Variants in PIGS observed in about 807,000 individuals in gnomAD.
The protein encoded by PIGS is GPI-anchor transamidase component PIGS.
A neutral mutation model predicts 58.2 loss-of-function variants in PIGS; 37 were observed. The ratio of observed to expected loss-of-function variants is 0.64; its 90% CI spans 0.49 to 0.84. PIGS has a LOEUF of 0.84. Ranked by LOEUF, PIGS falls within the 40% of genes least tolerant of loss-of-function variation. The pLI is 0.00. For synonymous variants in PIGS, 269 were observed against 289.2 expected, an observed-to-expected ratio of 0.93 and a Z score of 0.71; for missense variants, 629 against 710.8, an observed-to-expected ratio of 0.88 and a Z score of 1.31.
At chr17:28,562,402 T>A (rs1420013458) in intron 5 of PIGS, among the ~76,000 whole-genome samples, 2 of 152,190 alleles carry the variant, frequency 1.3e-5, no homozygotes, top group Non-Finnish European at 2.9e-5. Context: ...ATTAACATTT[T>A]CTTTAGTGCT....
At chr17:28,571,003 C>T in intron 2 of PIGS, 40 bp from the exon 3 acceptor site, 1 of 1,614,202 alleles carries the variant, frequency 6.2e-7, no homozygotes, top group Non-Finnish European at 8.5e-7. Flanking sequence ...GAGTCTCCAC[C>T]TTGCCGGGGG....
At chr17:28,554,724 G>C in intron 11 of PIGS, 127 bp downstream of exon 11, 2 of 1,332,722 alleles carry the variant, frequency 1.5e-6, no homozygotes, top group East Asian at 4.7e-5. Context: ...CTAGAGGAAG[G>C]CTGGGACACT....
intron 10 of PIGS, chr17:28,555,554 C>T (rs920024914): frequency 1.7e-5 from 3 of 171,528 alleles, no homozygotes; most frequent in African/African-American, 7.2e-5. Context: ...TTAGAATCCT[C>T]AACACAGAGC....
chr17:28,554,441 G>A lies in PIGS; in HGVS notation c.1447C>T (p.His483Tyr). ...QKSAEELASGHLASAFVASQE... is the reference protein window; with the variant it reads ...QKSAEELASGYLASAFVASQE... ...CTGGCGACAAAGGCAGATGCCAGGT[G>A]CCCAGACGCCAACTCTTCTGCCGAC... The change falls in exon 12 of 12, where the codon CAC becomes TAC. Residue 483 changes from histidine to tyrosine, a missense_variant. Transcript: ENST00000308360. 1 of 1,614,176 alleles carries A rather than the reference G, an allele frequency of 6.2e-7. No homozygotes were observed. The highest frequency in any genetic ancestry group is 1.3e-5 in the African/African-American group (1 of 75,040).
intron 8 of PIGS, 198 bp from the exon 9 acceptor site, chr17:28,557,170 T>C (rs891357805): frequency 5.0e-6 from 3 of 595,820 alleles, no homozygotes; most frequent in East Asian, 3.1e-5. Flanking sequence ...GATGGAAACA[T>C]AGTCCTTAGC....
Position 28,560,093 on chromosome 17 carries a change from G to A in PIGS, c.775C>T (p.Leu259=), listed in dbSNP as rs116362901. 16 of 1,612,950 alleles carry A rather than the reference G, an allele frequency of 9.9e-6. No homozygotes were observed. In the African/African-American group the frequency reaches 2.1e-4, roughly 22 times the overall value. ...TTGCCAGCGGCACCGAGGGCATTCA[G>A]GAAAGGTTGCACATAGCGCCGGACA... is the stretch of plus-strand genomic sequence containing the variant. ...GAVRRYVQPF[L]NALGAAGNFS... Residue 259 remains leucine (L), a synonymous_variant, in exon 7 of 12, where the codon CTG becomes TTG. Coordinates refer to ENST00000308360, the MANE Select transcript of PIGS (RefSeq NM_033198.4).
chr17:28,566,833 A>T (rs2070397449), intron 3 of PIGS, among the ~76,000 whole-genome samples: 1 of 147,700 alleles, frequency 6.8e-6, no homozygotes, highest in Non-Finnish European at 1.5e-5. Flanking sequence ...ACCTCAAATG[A>T]TCCACCGCCT....
intron 5 of PIGS, 134 bp downstream of exon 5, chr17:28,563,297 A>C: frequency 1.3e-6 from 1 of 782,982 alleles, no homozygotes; most frequent in East Asian, 2.6e-5. Flanking sequence ...CGTCTCAAAA[A>C]AAAAAAAATT....
chr17:28,554,061 C>A lies in PIGS; in HGVS notation c.*159G>T. On this transcript the variant is annotated 3_prime_UTR_variant, in exon 12 of 12. Transcript: ENST00000308360. ...GAATGGGAAAGGAAGAAAAGATGAACCCATCTTGGAGTGTTGTACTTTGGT... is the reference window on the plus strand; with the variant it reads ...GAATGGGAAAGGAAGAAAAGATGAAACCATCTTGGAGTGTTGTACTTTGGT... The A allele has an allele frequency of 1.1e-6, 1 of 903,368 alleles. No individual in the cohort carries two copies. Among genetic ancestry groups the A allele is most frequent in the East Asian group, 2.5e-5 (1 of 39,370 alleles). 56.0% of individuals were successfully genotyped at this position (903,368 alleles called of 1,614,324 possible).
chr17:28,568,388 C>T (rs1453735290), intron 3 of PIGS, among the ~76,000 whole-genome samples: 1 of 152,218 alleles, frequency 6.6e-6, no homozygotes, highest in Non-Finnish European at 1.5e-5. Flanking sequence ...CAGGTGTGAG[C>T]TACCACATCC....
At position 28,553,996 on chromosome 17, in the gene PIGS, C is replaced by T; in HGVS notation, c.*224G>A. 1 of 587,870 alleles carries T rather than the reference C, an allele frequency of 1.7e-6. No homozygotes were observed. Among genetic ancestry groups the T allele is most frequent in the East Asian group, 3.0e-5 (1 of 33,612 alleles). The allele number at this position is 587,870 out of a possible 1,614,324, so 36.4% of individuals were successfully genotyped here. A position where few individuals can be genotyped will look rare whatever the true frequency, so the allele number is the denominator to read the frequency against. On this transcript the variant is annotated 3_prime_UTR_variant, in exon 12 of 12. Coordinates refer to ENST00000308360, the MANE Select transcript of PIGS (RefSeq NM_033198.4). ...AGATAAGGAGACCCGGATGATGTGC[C>T]TTTTGAGGCCCCTGGTGGTGGAGGA...
intron 3 of PIGS, among the ~76,000 whole-genome samples, chr17:28,570,282 A>G (rs1399427386): frequency 6.6e-6 from 1 of 152,240 alleles, no homozygotes; most frequent in East Asian, 1.9e-4. Flanking sequence ...AGGCTGAGGC[A>G]TGCGGATCAC....
chr17:28,556,733 G>T, intron 9 of PIGS, 94 bp downstream of exon 9: 1 of 1,482,610 alleles, frequency 6.7e-7, no homozygotes, highest in African/African-American at 1.4e-5. Context: ...GGGCCATGGA[G>T]GACACCAGAA....
At chr17:28,563,592 C>G in intron 4 of PIGS, 70 bp from the exon 5 acceptor site, 1 of 1,422,704 alleles carries the variant, frequency 7.0e-7, no homozygotes, top group Non-Finnish European at 9.9e-7. Flanking sequence ...CCAAAGAATG[C>G]CTAACCCACC....
rs960556912 is a variant in PIGS, at chr17:28,563,900, C to T, written c.294G>A (p.Met98Ile). Reference sequence around the variant, plus strand: ...CCTTCTGGAAACGGCATTTGATTTTCATTTTGTCTGGGAGGGATAAGAAGT... The same window carrying T: ...CCTTCTGGAAACGGCATTTGATTTTTATTTTGTCTGGGAGGGATAAGAAGT... Reference protein sequence around the residue: ...HEREIPLKYKMKIKCRFQKAY... With the variant: ...HEREIPLKYKIKIKCRFQKAY... The change falls in exon 4 of 12, where the codon ATG (methionine) becomes ATA (isoleucine). Residue 98 changes from methionine to isoleucine, a missense_variant. Transcript: ENST00000308360. The T allele has an allele frequency of 5.6e-6, 9 of 1,613,744 alleles. No individual in the cohort carries two copies. Among genetic ancestry groups the T allele is most frequent in the Middle Eastern group, 1.7e-4 (1 of 6,060 alleles).
chr17:28,568,137 T>G (rs2070404396), intron 3 of PIGS, among the ~76,000 whole-genome samples: 1 of 151,948 alleles, frequency 6.6e-6, no homozygotes, highest in South Asian at 2.1e-4. Flanking sequence ...GATGGAGTCT[T>G]TGTCACCCAG....
At chr17:28,559,281 A>G (rs747271272) in intron 7 of PIGS, among the ~76,000 whole-genome samples, 5 of 151,788 alleles carry the variant, frequency 3.3e-5, no homozygotes, top group Non-Finnish European at 7.4e-5. Context: ...GGCCCTTCAC[A>G]TCTTTATTGT....
chr17:28,570,954 T>C lies in PIGS; in HGVS notation c.184A>G (p.Met62Val), dbSNP rs2070423702. The C allele has an allele frequency of 6.2e-7, 1 of 1,614,232 alleles. No individual in the cohort carries two copies. Among genetic ancestry groups the C allele is most frequent in the East Asian group, 2.2e-5 (1 of 44,886 alleles). Residue 62 changes from methionine (M) to valine (V), a missense_variant, in exon 3 of 12, where the codon ATG (methionine) becomes GTG (valine). Transcript: ENST00000308360. ...GTAAACACGACAGTGACAGGCACCA[T>C]GAGGCGGAGCTACAGGAAGGAGCAT... ...SGLNALQLRL[M>V]VPVTVVFTRE... is the part of the protein sequence containing the mutation.
chr17:28,563,770 GA>G, intron 4 of PIGS, 47 bp downstream of exon 4: 2 of 1,547,112 alleles, frequency 1.3e-6, no homozygotes, highest in Non-Finnish European at 1.8e-6. Context: ...AGATCAGAAG[GA>G]AAAAGAGGGC....
Sources: gnomAD v4.1 joint callset for allele counts (sites outside exome capture counted in the v4.1 genomes callset) on GRCh38, gnomAD v4.1.1 for gene constraint, MANE v1.5 for transcripts, NCBI Gene and HGNC (gene_info 2026-07-23, HGNC 2026-07-21) for gene names.